SYTL3: variants seen among roughly 807,000 people sequenced by gnomAD.
The protein encoded by SYTL3 is synaptotagmin like 3.
Under a neutral mutation model 82.1 loss-of-function variants are expected in SYTL3, and 88 were observed. The ratio of observed to expected loss-of-function variants is 1.07; its 90% confidence interval spans 0.90 to 1.28. The LOEUF is 1.28. SYTL3 is among the 50% of genes most tolerant of loss of function. SYTL3 has a pLI of 0.00. For missense variants in SYTL3, 831 were observed against 757.6 expected, an observed-to-expected ratio of 1.10 and a Z score of -1.14; for synonymous variants, 311 against 289.4, an observed-to-expected ratio of 1.07 and a Z score of -0.76.
intron 9 of SYTL3, among the ~76,000 whole-genome samples, chr6:158,714,752 T>G (rs187132250): frequency 6.6e-6 from 1 of 152,340 alleles, no homozygotes; most frequent in Admixed American, 6.5e-5. Flanking sequence ...TCTGCTCGGC[T>G]TCTCTTCATC....
chr6:158,721,508 G>A (rs1225376057), intron 10 of SYTL3, among the ~76,000 whole-genome samples: 1 of 152,072 alleles, frequency 6.6e-6, no homozygotes, highest in East Asian at 1.9e-4. Context: ...ACCACGCCCA[G>A]CCAGATATGG....
At position 158,703,687 on chromosome 6, in the gene SYTL3, C is replaced by G. The variant is rs549962151; in HGVS notation, c.395-3543C>G. On this transcript the variant is annotated intron_variant, in intron 6 of 17. Coordinates refer to ENST00000611299, the MANE Select transcript of SYTL3 (RefSeq NM_001242394.2). Reference sequence around the variant, plus strand: ...CTGGAGGCTGCCTGGGGCTCTGTGTCTCTAGCAACCCCTGCCCTGCTGAGA... The same window carrying G: ...CTGGAGGCTGCCTGGGGCTCTGTGTGTCTAGCAACCCCTGCCCTGCTGAGA... 1.9e-4 allele frequency among the ~76,000 whole-genome samples: 29 copies of G among 152,256 alleles called. 1 individual carries two copies. The South Asian group carries it at 5.6e-3, about 29-fold the overall frequency.
chr6:158,753,977 T>G (rs1242842219), intron 13 of SYTL3, among the ~76,000 whole-genome samples: 1 of 151,996 alleles, frequency 6.6e-6, no homozygotes, highest in Non-Finnish European at 1.5e-5. Flanking sequence ...ATGCATAAGA[T>G]GCGAAGGATG....
upstream of SYTL3, among the ~76,000 whole-genome samples, chr6:158,645,826 A>C (rs1473921970): frequency 6.6e-6 from 1 of 152,166 alleles, no homozygotes; most frequent in Non-Finnish European, 1.5e-5. Flanking sequence ...ACTATAGACT[A>C]ATCTTAGTGA....
At chr6:158,703,042 T>C (rs184465104) in intron 6 of SYTL3, among the ~76,000 whole-genome samples, 40 of 150,344 alleles carry the variant, frequency 2.7e-4, no homozygotes, top group African/African-American at 9.1e-4. Context: ...TAGTTCCAGC[T>C]ACTTGGGAGG....
chr6:158,762,097 A>T lies in SYTL3; in HGVS notation c.1436A>T (p.His479Leu), dbSNP rs77838934. 6.2e-7 allele frequency: 1 copy of T among 1,613,868 alleles called. No homozygotes were observed. The highest frequency in any genetic ancestry group is 2.2e-5 in the East Asian group (1 of 44,880). ...AQEGTDQPSL[H>L]GQLCLVVLGA... ...CCAGGGACAGATCAGCCATCACTTCATGGTCAACTTTGTTTGGTAGTGCTA... is the reference window on the plus strand; with the variant it reads ...CCAGGGACAGATCAGCCATCACTTCTTGGTCAACTTTGTTTGGTAGTGCTA... Residue 479 changes from histidine to leucine, a missense_variant, in exon 16 of 18, where the codon CAT becomes CTT. By Grantham distance (99) the His-to-Leu change is moderately conservative. Transcript: ENST00000611299.
intron 6 of SYTL3, among the ~76,000 whole-genome samples, chr6:158,700,782 A>C (rs1384187327): frequency 6.6e-6 from 1 of 152,054 alleles, no homozygotes; most frequent in East Asian, 1.9e-4. Context: ...ACGGCCGGCT[A>C]ATTTTTTGTA....
At position 158,708,344 on chromosome 6, in the gene SYTL3, A is replaced by G. The variant is rs374002803; in HGVS notation, c.469A>G (p.Thr157Ala). Residue 157 changes from threonine (T) to alanine (A), a missense_variant, in exon 8 of 18, where the codon ACT (threonine) becomes GCT (alanine). Thr to Ala is a moderately conservative substitution (Grantham distance 58). Coordinates refer to ENST00000611299, the MANE Select transcript of SYTL3 (RefSeq NM_001242394.2). Reference sequence around the variant, plus strand: ...CAGCAAAATTTCTGTGGTTCCTCCTACTCCACCTCCTGTCAGCGAGAGCCA... The same window carrying G: ...CAGCAAAATTTCTGTGGTTCCTCCTGCTCCACCTCCTGTCAGCGAGAGCCA... The part of the protein sequence containing the change: ...KLSKISVVPP[T>A]PPPVSESQCS... The G allele has an allele frequency of 6.2e-7, 1 of 1,614,002 alleles. No homozygotes were observed. Among genetic ancestry groups the G allele is most frequent in the South Asian group, 1.1e-5 (1 of 91,068 alleles).
chr6:158,697,393 G>A (rs940939313), intron 6 of SYTL3, among the ~76,000 whole-genome samples: 10 of 151,800 alleles, frequency 6.6e-5, no homozygotes, highest in African/African-American at 1.5e-4. Context: ...CCAAGATCGC[G>A]CCACTGCACT....
chr6:158,656,882 A>G (rs556093622), intron 2 of SYTL3, among the ~76,000 whole-genome samples: 1 of 152,316 alleles, frequency 6.6e-6, no homozygotes, highest in South Asian at 2.1e-4. Flanking sequence ...CTCATGTTCT[A>G]CTTCAAAATG....
chr6:158,663,888 A>G (rs1207270455), intron 4 of SYTL3, among the ~76,000 whole-genome samples: 1 of 152,086 alleles, frequency 6.6e-6, no homozygotes, highest in Non-Finnish European at 1.5e-5. Context: ...AAGGGGGAGC[A>G]TAAAATATGA....
chr6:158,729,285 G>A (rs1785108556), intron 11 of SYTL3, among the ~76,000 whole-genome samples: 1 of 152,158 alleles, frequency 6.6e-6, no homozygotes, highest in Non-Finnish European at 1.5e-5. Context: ...GGCATGGACA[G>A]GACTGGTGTC....
intron 6 of SYTL3, among the ~76,000 whole-genome samples, chr6:158,702,300 T>C (rs1171735381): frequency 1.4e-5 from 2 of 140,902 alleles, no homozygotes; most frequent in Admixed American, 7.5e-5. Context: ...TACTCCAGCC[T>C]GGGCAACAAG....
chr6:158,692,844 G>A (rs1434269961), intron 6 of SYTL3, among the ~76,000 whole-genome samples: 2 of 151,860 alleles, frequency 1.3e-5, no homozygotes, highest in Non-Finnish European at 2.9e-5. Context: ...CCAGCCACTC[G>A]GCAGGCTGAG....
intron 6 of SYTL3, among the ~76,000 whole-genome samples, chr6:158,706,067 C>T (rs1782057461): frequency 6.6e-6 from 1 of 152,100 alleles, no homozygotes. Flanking sequence ...GGGCTTCAGG[C>T]AAGACTGTGT....
chr6:158,760,862 C>A, intron 15 of SYTL3, 117 bp downstream of exon 15: 3 of 761,066 alleles, frequency 3.9e-6, no homozygotes, highest in Non-Finnish European at 6.7e-6. Flanking sequence ...CGTCCCCGTG[C>A]CCAGCTCCAG....
intron 6 of SYTL3, among the ~76,000 whole-genome samples, chr6:158,688,958 A>G (rs1268375484): frequency 6.6e-6 from 1 of 152,206 alleles, no homozygotes; most frequent in Non-Finnish European, 1.5e-5. Flanking sequence ...ATGTTTCTTC[A>G]TGTAGTAATT....
rs897287503 is a variant in SYTL3, at chr6:158,730,743, T to C, written c.855+5106T>C. 3.3e-4 allele frequency among the ~76,000 whole-genome samples: 50 copies of C among 151,938 alleles called. 1 individual carries two copies. The highest frequency in any genetic ancestry group is 1.2e-4 in the Non-Finnish European group (8 of 67,950). ...CGGAGGAGCTGGTAAAATATTTCCT[T>C]GGTGGTCAGGACTAAGGAAAGAAAA... On this transcript the variant is annotated intron_variant, in intron 11 of 17. Transcript: ENST00000611299.
At chr6:158,725,324 T>C (rs533120286) in intron 10 of SYTL3, among the ~76,000 whole-genome samples, 179 bp from the exon 11 acceptor site, 110 of 151,172 alleles carry the variant, frequency 7.3e-4, no homozygotes, top group East Asian at 2.3e-3. Flanking sequence ...GGTGTGTGTG[T>C]GCGTGTGTGT....
Sources: gnomAD v4.1 joint callset for allele counts (sites outside exome capture counted in the v4.1 genomes callset) on GRCh38, gnomAD v4.1.1 for gene constraint, MANE v1.5 for transcripts, NCBI Gene and HGNC (gene_info 2026-07-23, HGNC 2026-07-21) for gene names.